CAMK1D: variants seen among roughly 807,000 people sequenced by gnomAD.
CAMK1D encodes calcium/calmodulin dependent protein kinase ID, also known as calcium/calmodulin-dependent protein kinase type 1D.
A neutral mutation model predicts 47.7 loss-of-function variants in CAMK1D; 9 were observed. That is an observed-to-expected ratio of 0.19 (90% CI 0.11 to 0.33). CAMK1D has a LOEUF of 0.33. Ranked by LOEUF, CAMK1D falls within the 10% of genes least tolerant of loss-of-function variation. The pLI, the probability that CAMK1D is intolerant of heterozygous loss-of-function variation, is 1.00. For synonymous variants in CAMK1D, 184 were observed against 184.9 expected, an observed-to-expected ratio of 0.99 and a Z score of 0.04; for missense variants, 291 against 488.7, an observed-to-expected ratio of 0.60 and a Z score of 3.81.
At chr10:12,412,554 C>G (rs762579281) in intron 1 of CAMK1D, among the ~76,000 whole-genome samples, 40 of 145,206 alleles carry the variant, frequency 2.8e-4, no homozygotes, top group Non-Finnish European at 2.7e-4. Flanking sequence ...ACCCTGGAGG[C>G]GGAGGTTGCA....
In CAMK1D at chr10:12,798,461, G is replaced by C. The variant is rs138345897; in HGVS notation, c.641+7228G>C. On this transcript the variant is annotated intron_variant, in intron 6 of 10. Transcript: ENST00000619168. ...TCTTACCAGCTGCCTGAAATGGGAG[G>C]GAGGTGGTGGGGCAGCTCCTAGAAC... is the stretch of plus-strand genomic sequence containing the variant. Among the ~76,000 whole-genome samples, 283 of 152,304 alleles carry C rather than the reference G, an allele frequency of 1.9e-3. 2 individuals carry two copies. Among genetic ancestry groups the C allele is most frequent in the African/African-American group, 6.5e-3 (269 of 41,564 alleles).
chr10:12,505,194 G>A (rs189391378), intron 1 of CAMK1D, among the ~76,000 whole-genome samples: 2 of 152,296 alleles, frequency 1.3e-5, no homozygotes, highest in Admixed American at 6.5e-5. Context: ...AGAGGCGTGC[G>A]GTTGTAGAGG....
rs527761691 is a variant in CAMK1D at position 12,616,590 on chromosome 10, T to TCACTGCAAGC, written c.225-50145_225-50136dup. ...TGGGGTGCAGTGGTGTGATCTCGGC[T>TCACTGCAAGC]CACTGCAAGCTCCGCCTCCCGGGTT... On this transcript the variant is annotated intron_variant, in intron 2 of 10. Coordinates refer to ENST00000619168, the MANE Select transcript of CAMK1D (RefSeq NM_153498.4). Among the ~76,000 whole-genome samples, 509 of 152,056 alleles carry TCACTGCAAGC rather than the reference T, an allele frequency of 3.3e-3. 3 individuals carry two copies. The East Asian group carries it at 0.041, about 12-fold the overall frequency.
At chr10:12,794,355 G>A (rs1343264664) in intron 6 of CAMK1D, among the ~76,000 whole-genome samples, 1 of 152,050 alleles carries the variant, frequency 6.6e-6, no homozygotes, top group Non-Finnish European at 1.5e-5. Flanking sequence ...AGGAAGGGGG[G>A]TGAGATCAAT....
At chr10:12,658,258 ATGAG>A (rs1479805926) in intron 2 of CAMK1D, among the ~76,000 whole-genome samples, 4 of 152,258 alleles carry the variant, frequency 2.6e-5, no homozygotes, top group African/African-American at 9.6e-5. Context: ...GTCTTAAAGG[ATGAG>A]TATTTTCGTA....
At chr10:12,580,736 G>A (rs1269529982) in intron 2 of CAMK1D, among the ~76,000 whole-genome samples, 2 of 152,210 alleles carry the variant, frequency 1.3e-5, no homozygotes, top group African/African-American at 4.8e-5. Flanking sequence ...GGAACCCCAG[G>A]AATGGCCAAT....
chr10:12,404,878 G>A (rs1839361536), intron 1 of CAMK1D, among the ~76,000 whole-genome samples: 1 of 151,810 alleles, frequency 6.6e-6, no homozygotes. Flanking sequence ...TAGTAGAAAT[G>A]GGGTTTCTCC....
intron 2 of CAMK1D, among the ~76,000 whole-genome samples, chr10:12,633,348 G>A (rs140009217): frequency 6.6e-6 from 1 of 152,266 alleles, no homozygotes; most frequent in East Asian, 1.9e-4. Context: ...GAGTGGTGAG[G>A]CAACAGTGCT....
intron 1 of CAMK1D, among the ~76,000 whole-genome samples, chr10:12,550,623 T>C (rs1429255719): frequency 1.3e-5 from 2 of 152,212 alleles, no homozygotes; most frequent in Non-Finnish European, 1.5e-5. Context: ...GGTGGGTCTT[T>C]ATGTGTTTAT....
chr10:12,657,427 A>AAAATAAACAAAT (rs1840149243), intron 2 of CAMK1D, among the ~76,000 whole-genome samples: 1 of 146,712 alleles, frequency 6.8e-6, no homozygotes, highest in Non-Finnish European at 1.5e-5. Context: ...CTGTCTCATA[A>AAAATAAACAAAT]AAATAAATAA....
At chr10:12,654,601 A>G (rs1840067362) in intron 2 of CAMK1D, among the ~76,000 whole-genome samples, 1 of 152,242 alleles carries the variant, frequency 6.6e-6, no homozygotes, top group African/African-American at 2.4e-5. Context: ...ATTAGTTGCT[A>G]ATACTATTAT....
intron 2 of CAMK1D, among the ~76,000 whole-genome samples, chr10:12,568,589 CT>C (rs1459365169): frequency 1.4e-5 from 2 of 146,554 alleles, no homozygotes; most frequent in African/African-American, 2.5e-5. Context: ...CAGAGTCAGC[CT>C]TTTTCTTTTT....
intron 1 of CAMK1D, among the ~76,000 whole-genome samples, chr10:12,488,127 T>C (rs1834271242): frequency 6.6e-6 from 1 of 152,208 alleles, no homozygotes; most frequent in Admixed American, 6.5e-5. Context: ...CTTGCTATTG[T>C]ACTTCACAGA....
At chr10:12,511,085 A>T (rs1835025738) in intron 1 of CAMK1D, among the ~76,000 whole-genome samples, 2 of 152,208 alleles carry the variant, frequency 1.3e-5, no homozygotes, top group South Asian at 4.1e-4. Context: ...TGTTGTAAAT[A>T]TGCTCACATT....
intron 2 of CAMK1D, among the ~76,000 whole-genome samples, chr10:12,577,524 A>T (rs1837527509): frequency 6.6e-6 from 1 of 152,250 alleles, no homozygotes; most frequent in Non-Finnish European, 1.5e-5. Context: ...GATCCAACAA[A>T]GTTCTGTTTC....
chr10:12,639,492 G>A (rs1386239111), intron 2 of CAMK1D, among the ~76,000 whole-genome samples: 1 of 151,970 alleles, frequency 6.6e-6, no homozygotes, highest in Non-Finnish European at 1.5e-5. Flanking sequence ...CTCAAAACAA[G>A]CAAACAAACA....
rs1837558212 is a variant in CAMK1D, at chr10:12,578,404, C to T, written c.224+25048C>T. 3.3e-5 allele frequency among the ~76,000 whole-genome samples: 5 copies of T among 152,026 alleles called. No individual in the cohort carries two copies. In the South Asian group the frequency reaches 1.0e-3, roughly 32 times the overall value. On this transcript the variant is annotated intron_variant, in intron 2 of 10. Coordinates refer to ENST00000619168, the MANE Select transcript of CAMK1D (RefSeq NM_153498.4). ...TGACCAACATGGAGAAACCCCGTCT[C>T]TACTAAAAATACAAAATTAGTTGGG... is the stretch of plus-strand genomic sequence containing the variant.
chr10:12,399,672 C>T (rs148876607), intron 1 of CAMK1D, among the ~76,000 whole-genome samples: 58 of 152,258 alleles, frequency 3.8e-4, no homozygotes, highest in African/African-American at 1.4e-3. Context: ...AGTGCTTCCA[C>T]AGTTTTTGTG....
chr10:12,667,607 G>C (rs1460521352), intron 3 of CAMK1D, among the ~76,000 whole-genome samples: 3 of 152,180 alleles, frequency 2.0e-5, no homozygotes. Context: ...ACCATTACCT[G>C]AATAAATAAA....
Sources: gnomAD v4.1 joint callset for allele counts (sites outside exome capture counted in the v4.1 genomes callset) on GRCh38, gnomAD v4.1.1 for gene constraint, MANE v1.5 for transcripts, NCBI Gene and HGNC (gene_info 2026-07-23, HGNC 2026-07-21) for gene names.